GNA12: variants seen among roughly 807,000 people sequenced by gnomAD.
The protein encoded by GNA12 is G protein subunit alpha 12, also known as guanine nucleotide-binding protein subunit alpha-12.
A neutral mutation model predicts 26.0 loss-of-function variants in GNA12; 9 were observed. The ratio of observed to expected loss-of-function variants is 0.35; its 90% CI spans 0.21 to 0.60. The LOEUF (loss-of-function observed/expected upper bound fraction) is 0.60, where lower values mean the gene tolerates loss of function less well. GNA12 is among the 20% of genes least tolerant of loss of function. The pLI is 0.78. For missense variants in GNA12, 405 were observed against 525.8 expected, an observed-to-expected ratio of 0.77 and a Z score of 2.25; for synonymous variants, 264 against 219.6, an observed-to-expected ratio of 1.20 and a Z score of -1.79.
intron 2 of GNA12, among the ~76,000 whole-genome samples, chr7:2,737,108 A>G (rs1312015046): frequency 1.3e-5 from 2 of 152,080 alleles, no homozygotes; most frequent in Admixed American, 1.3e-4. Flanking sequence ...TGAGAGGAAA[A>G]GGTAACCGTG....
chr7:2,832,507 G>A (rs944517769), intron 1 of GNA12, among the ~76,000 whole-genome samples: 2 of 152,182 alleles, frequency 1.3e-5, no homozygotes, highest in Non-Finnish European at 1.5e-5. Context: ...GTTCCACCAC[G>A]GTGACGAGAG....
intron 1 of GNA12, among the ~76,000 whole-genome samples, chr7:2,806,457 C>CAAAAAAAAAAA (rs34036056): frequency 1.2e-4 from 10 of 80,702 alleles, no homozygotes; most frequent in African/African-American, 3.5e-4. Context: ...GACTCTGTCT[C>CAAAAAAAAAAA]AAAAAAAAAA....
chr7:2,786,503 C>A (rs1336848736), intron 2 of GNA12, among the ~76,000 whole-genome samples: 1 of 152,170 alleles, frequency 6.6e-6, no homozygotes, highest in African/African-American at 2.4e-5. Flanking sequence ...AAAAGTTCGA[C>A]TTACCAAGCT....
At chr7:2,744,957 G>C (rs534905785) in intron 2 of GNA12, among the ~76,000 whole-genome samples, 48 of 152,108 alleles carry the variant, frequency 3.2e-4, no homozygotes, top group Non-Finnish European at 5.0e-4. Flanking sequence ...AGTGAGAAGA[G>C]AAGCTTAGAG....
At chr7:2,787,173 T>C (rs185515213) in intron 2 of GNA12, among the ~76,000 whole-genome samples, 4 of 152,246 alleles carry the variant, frequency 2.6e-5, no homozygotes, top group South Asian at 2.1e-4. Flanking sequence ...GTGTGAGCAA[T>C]AGGCGAGGTG....
intron 2 of GNA12, among the ~76,000 whole-genome samples, chr7:2,749,682 G>A (rs1177413379): frequency 6.6e-6 from 1 of 151,818 alleles, no homozygotes; most frequent in Non-Finnish European, 1.5e-5. Context: ...TAAAAAAAAA[G>A]AAAATCTTAT....
At chr7:2,828,912 A>G (rs1443874939) in intron 1 of GNA12, among the ~76,000 whole-genome samples, 1 of 152,040 alleles carries the variant, frequency 6.6e-6, no homozygotes, top group Admixed American at 6.6e-5. Context: ...CTCTACAAAA[A>G]TTTTTTAAAA....
intron 2 of GNA12, among the ~76,000 whole-genome samples, chr7:2,794,556 C>G (rs962855536): frequency 6.6e-6 from 1 of 152,084 alleles, no homozygotes; most frequent in Non-Finnish European, 1.5e-5. Context: ...TGAAGGCGTT[C>G]GTGAGTTGCC....
intron 1 of GNA12, chr7:2,815,050 C>T (rs531355462): frequency 1.8e-5 from 26 of 1,480,226 alleles, no homozygotes; most frequent in African/African-American, 2.8e-5. Context: ...AGCCACCAAG[C>T]GCCGCCACTG....
chr7:2,831,087 G>A (rs1793595082), intron 1 of GNA12, among the ~76,000 whole-genome samples: 2 of 151,958 alleles, frequency 1.3e-5, no homozygotes, highest in Non-Finnish European at 2.9e-5. Flanking sequence ...GGCATTTGTT[G>A]ACTTGCTGTC....
chr7:2,818,041 G>C (rs1182990540), intron 1 of GNA12, among the ~76,000 whole-genome samples: 3 of 152,148 alleles, frequency 2.0e-5, no homozygotes, highest in Non-Finnish European at 4.4e-5. Flanking sequence ...TTTCAAGTGG[G>C]ACTGTAGTTC....
chr7:2,802,973 G>A (rs1177484026), intron 1 of GNA12, among the ~76,000 whole-genome samples: 2 of 152,148 alleles, frequency 1.3e-5, no homozygotes, highest in Non-Finnish European at 2.9e-5. Flanking sequence ...TTTGCCTTCC[G>A]CAACAAATGC....
chr7:2,761,669 A>T (rs1791561810), intron 2 of GNA12, among the ~76,000 whole-genome samples: 1 of 152,172 alleles, frequency 6.6e-6, no homozygotes, highest in Admixed American at 6.5e-5. Context: ...CAGGATTTAC[A>T]ATTTGCAGCT....
At chr7:2,753,556 G>A (rs1791139957) in intron 2 of GNA12, among the ~76,000 whole-genome samples, 1 of 152,168 alleles carries the variant, frequency 6.6e-6, no homozygotes, top group Non-Finnish European at 1.5e-5. Flanking sequence ...TCCATGGTCT[G>A]AACGTGCCGC....
At chr7:2,805,347 A>G (rs1562437795) in intron 1 of GNA12, among the ~76,000 whole-genome samples, 1 of 152,252 alleles carries the variant, frequency 6.6e-6, no homozygotes, top group African/African-American at 2.4e-5. Flanking sequence ...CAAATGAGAA[A>G]GCGGAAGCTC....
chr7:2,744,456 G>A (rs1488675176), intron 2 of GNA12, among the ~76,000 whole-genome samples: 1 of 152,168 alleles, frequency 6.6e-6, no homozygotes, highest in South Asian at 2.1e-4. Context: ...GCAGCTGAGG[G>A]TCCTGTCTGT....
In GNA12 at chr7:2,740,969, C is replaced by T. The variant is rs531895795; in HGVS notation, c.526-7468G>A. 1.1e-4 allele frequency among the ~76,000 whole-genome samples: 17 copies of T among 152,202 alleles called. 1 individual carries two copies. The East Asian group carries it at 1.2e-3, about 10-fold the overall frequency. On this transcript the variant is annotated intron_variant, in intron 2 of 3. Transcript: ENST00000275364. ...CTAAGGCAGAAGAATGGTGTGAACC[C>T]GGGAGGCAGAGCTTGCAGTGAGCTG...
In GNA12 at chr7:2,837,611, G is replaced by T. The variant is rs142524958; in HGVS notation, c.309+6242C>A. The stretch of plus-strand genomic sequence containing the variant: ...CAGAGAGGAGCAATGCATGAACTCG[G>T]AGAGGAGACCAACTCAAACGACAGT... On this transcript the variant is annotated intron_variant, in intron 1 of 3. Transcript: ENST00000275364. Among the ~76,000 whole-genome samples the T allele has an allele frequency of 3.3e-5, 5 of 152,258 alleles. No homozygotes were observed. In the East Asian group the frequency reaches 9.7e-4, roughly 29 times the overall value.
intron 1 of GNA12, among the ~76,000 whole-genome samples, chr7:2,805,237 C>T (rs1334124710): frequency 2.6e-5 from 4 of 152,244 alleles, no homozygotes; most frequent in Admixed American, 6.5e-5. Flanking sequence ...TGGGACTAAG[C>T]GCCTGCCATG....
Sources: allele counts gnomAD v4.1 joint callset (sites outside exome capture counted in the v4.1 genomes callset), GRCh38; gene constraint gnomAD v4.1.1; transcripts MANE v1.5; gene names NCBI Gene and HGNC (gene_info 2026-07-23, HGNC 2026-07-21).